The following ANO7 variants were observed in gnomAD, a reference collection of about 807,000 sequenced individuals.
The protein encoded by ANO7 is anoctamin 7.
In ANO7, 114 loss-of-function variants were observed where a neutral mutation model predicts 115.8. The ratio of observed to expected loss-of-function variants is 0.98; its 90% CI spans 0.85 to 1.15. The LOEUF (loss-of-function observed/expected upper bound fraction) is 1.15, where lower values mean the gene tolerates loss of function less well. Ranked by LOEUF, ANO7 falls within the 50% of genes most tolerant of loss-of-function variation. The pLI, the probability that ANO7 is intolerant of heterozygous loss-of-function variation, is 0.00. For synonymous variants in ANO7, 550 were observed against 498.2 expected, an observed-to-expected ratio of 1.10 and a Z score of -1.38; for missense variants, 1,302 against 1,201.2, an observed-to-expected ratio of 1.08 and a Z score of -1.24.
In ANO7 at chr2:241,224,199, G is replaced by C. The variant is rs1413129339; in HGVS notation, c.*46G>C. 3.7e-6 allele frequency: 6 copies of C among 1,602,156 alleles called. No homozygotes were observed. The highest frequency in any genetic ancestry group is 5.1e-6 in the Non-Finnish European group (6 of 1,170,782). On this transcript the variant is annotated 3_prime_UTR_variant, in exon 25 of 25. Transcript: ENST00000674324. Reference sequence around the variant, plus strand: ...GGTCCTTAGGGGAGTGGCCCCTCCTGAGCCCTGCGAGCAGCGTCCTTTTCC... The same window carrying C: ...GGTCCTTAGGGGAGTGGCCCCTCCTCAGCCCTGCGAGCAGCGTCCTTTTCC...
chr2:241,230,210 C>A (rs745340687), downstream of ANO7: 2 of 1,613,446 alleles, frequency 1.2e-6, no homozygotes, highest in East Asian at 2.2e-5. This position sits in a 1 kb window ranked among gnomAD's most constrained non-coding sequence, Gnocchi z 5.0. Flanking sequence ...TCTCTGGGAG[C>A]CCCGTCACAG....
chr2:241,233,599 A>G, the ANO7 span, among the ~76,000 whole-genome samples: 1 of 152,046 alleles, frequency 6.6e-6, no homozygotes. This position sits in a 1 kb window ranked among gnomAD's most constrained non-coding sequence, Gnocchi z 4.3. Context: ...GCAGGAGAAA[A>G]TGCTCCAGGC....
downstream of ANO7, chr2:241,228,991 A>G (rs1015761976): frequency 1.3e-5 from 2 of 153,278 alleles, no homozygotes; most frequent in African/African-American, 4.8e-5. Context: ...CACGGCAGGT[A>G]AAATCAGGAC....
intron 2 of ANO7, 107 bp from the exon 3 acceptor site, chr2:241,191,086 CG>C (rs2068190314): frequency 5.2e-6 from 6 of 1,153,558 alleles, no homozygotes; most frequent in African/African-American, 1.6e-5. Flanking sequence ...TGGGGCAGGG[CG>C]GGGACGGGTT....
At chr2:241,210,183 G>A (rs748047134) in intron 13 of ANO7, 112 bp from the exon 14 acceptor site, 1 of 1,013,398 alleles carries the variant, frequency 9.9e-7, no homozygotes, top group Non-Finnish European at 1.5e-6. Flanking sequence ...TCCTAGAGGT[G>A]GCAGTGCTGG....
In ANO7 at chr2:241,204,916, T is replaced by C; in HGVS notation, c.941T>C (p.Phe314Ser). 1 of 1,613,958 alleles carries C rather than the reference T, an allele frequency of 6.2e-7. No homozygotes were observed. The highest frequency in any genetic ancestry group is 1.1e-5 in the South Asian group (1 of 91,076). Residue 314 changes from phenylalanine (F) to serine (S), a missense_variant, in exon 10 of 25, where the codon TTC becomes TCC. By Grantham distance (155) the Phe-to-Ser change is radical (BLOSUM62 -2). Coordinates refer to ENST00000674324, the MANE Select transcript of ANO7 (RefSeq NM_001370694.2). The part of the protein sequence containing the change: ...LPAAVVGTLV[F>S]LVGCFLVFSD... ...GCGGCAGTGGTGGGCACACTGGTGT[T>C]CCTGGTGGGCTGCTTCCTGGTGTTC...
At chr2:241,237,300 G>A in the ANO7 span, among the ~76,000 whole-genome samples, 15 of 152,184 alleles carry the variant, frequency 9.9e-5, no homozygotes, top group Non-Finnish European at 1.8e-4. Flanking sequence ...GCCAGAAAGC[G>A]AGAGCCCCAG....
chr2:241,206,417 C>T (rs1358348948), intron 10 of ANO7, among the ~76,000 whole-genome samples: 2 of 22,880 alleles, frequency 8.7e-5, no homozygotes, highest in Non-Finnish European at 7.8e-5. Flanking sequence ...CAGGCTGACA[C>T]AGGTGGACAG....
chr2:241,231,710 C>T, the ANO7 span, among the ~76,000 whole-genome samples: 1 of 152,102 alleles, frequency 6.6e-6, no homozygotes, highest in Non-Finnish European at 1.5e-5. Context: ...TCAGGCCTTC[C>T]TTGGGCCACA....
In ANO7 at chr2:241,201,770, C is replaced by T. The variant is rs557087366; in HGVS notation, c.612+415C>T. ...TCCTGAGGCCTACCCAAGAGAGGCC[C>T]TGCTGACCACCACAGGGCACACAGT... On this transcript the variant is annotated intron_variant, in intron 7 of 24. Transcript: ENST00000674324. Among the ~76,000 whole-genome samples, 499 of 152,320 alleles carry T rather than the reference C, an allele frequency of 3.3e-3. 4 individuals carry two copies. Among genetic ancestry groups the T allele is most frequent in the African/African-American group, 0.011 (468 of 41,574 alleles).
At position 241,217,769 on chromosome 2, in the gene ANO7, A is replaced by C. The variant is rs74804606; in HGVS notation, c.2056A>C (p.Ile686Leu). The C allele has an allele frequency of 9.7e-3, 15,567 of 1,609,210 alleles. 1,208 individuals are homozygous for C. The African/African-American group carries it at 0.17, about 18-fold the overall frequency. Residue 686 changes from isoleucine to leucine, a missense_variant, in exon 20 of 25, where the codon ATC becomes CTC. By Grantham distance (5) the Ile-to-Leu change is conservative. Transcript: ENST00000674324. ...CGCCCTGCTCAACAACTGGGTGGAG[A>C]TCCGCTTGGACGCGCGCAAGTTCGT... ...LFALLNNWVE[I>L]RLDARKFVCE... is the part of the protein sequence containing the mutation.
At chr2:241,201,629 C>T (rs755112712) in intron 7 of ANO7, among the ~76,000 whole-genome samples, 18 of 152,368 alleles carry the variant, frequency 1.2e-4, no homozygotes, top group Non-Finnish European at 2.1e-4. Flanking sequence ...GTGGGACAGC[C>T]GAGACTAGCC....
intron 4 of ANO7, among the ~76,000 whole-genome samples, chr2:241,196,675 C>A (rs1205462208): frequency 6.6e-6 from 1 of 152,238 alleles, no homozygotes. Context: ...TGCGGTGAGG[C>A]CCGCCCATAT....
chr2:241,229,580 G>C (rs746964103), downstream of ANO7: 2 of 1,582,710 alleles, frequency 1.3e-6, no homozygotes, highest in South Asian at 1.1e-5. Flanking sequence ...AGGCTGGAGA[G>C]GGTTCTGTTC....
downstream of ANO7, chr2:241,230,004 C>A (rs1427799398): frequency 1.9e-6 from 3 of 1,555,850 alleles, no homozygotes; most frequent in Non-Finnish European, 2.6e-6. This position sits in a 1 kb window ranked among gnomAD's most constrained non-coding sequence, Gnocchi z 5.0. Flanking sequence ...CTGCCCAGCA[C>A]CCCCAGCATC....
intron 17 of ANO7, among the ~76,000 whole-genome samples, chr2:241,213,697 C>G (rs1018031814): frequency 1.1e-4 from 16 of 152,234 alleles, no homozygotes; most frequent in Non-Finnish European, 2.1e-4. Flanking sequence ...CAGGTGGCCT[C>G]TGGGCTGGGC....
Position 241,203,461 on chromosome 2 carries a change from C to T in ANO7, c.852C>T (p.Tyr284=). The T allele has an allele frequency of 1.4e-5, 22 of 1,568,612 alleles. No individual in the cohort carries two copies. Among genetic ancestry groups the T allele is most frequent in the Non-Finnish European group, 1.8e-5 (21 of 1,158,346 alleles). ...AGCCCCTGGACCACGTGCGCAGGTA[C>T]TTCGGGGAGAAGGTGGCCCTCTACT... is the stretch of plus-strand genomic sequence containing the variant. ...KYQPLDHVRR[Y]FGEKVALYFA... is the part of the protein sequence containing the mutation. Residue 284 remains tyrosine, a synonymous_variant, in exon 9 of 25, where the codon TAC becomes TAT. Coordinates refer to ENST00000674324, the MANE Select transcript of ANO7 (RefSeq NM_001370694.2). This position sits in a 1 kb window ranked among gnomAD's most constrained non-coding sequence, Gnocchi z 4.8.
the ANO7 span, chr2:241,235,672 C>A: frequency 3.0e-5 from 30 of 988,170 alleles, no homozygotes; most frequent in Non-Finnish European, 4.6e-5. Context: ...TGGGGCTCCA[C>A]GAAACACAAG....
chr2:241,208,442 G>T (rs1335726641), intron 11 of ANO7, among the ~76,000 whole-genome samples: 1 of 152,148 alleles, frequency 6.6e-6, no homozygotes, highest in African/African-American at 2.4e-5. Flanking sequence ...TCTCCACCTG[G>T]CCTTCCCTTC....
Sources: gnomAD v4.1 joint callset for allele counts (sites outside exome capture counted in the v4.1 genomes callset) on GRCh38, gnomAD v4.1.1 for gene constraint, Gnocchi (gnomAD v3.1) non-coding constraint, MANE v1.5 for transcripts, NCBI Gene and HGNC (gene_info 2026-07-23, HGNC 2026-07-21) for gene names.